Variants in STK39 observed in about 807,000 individuals in gnomAD.
The protein encoded by STK39 is serine/threonine kinase 39, also known as STE20/SPS1-related proline-alanine-rich protein kinase.
STK39 carries 20 observed loss-of-function variants against 77.8 expected under a neutral mutation model. The observed-to-expected ratio is 0.26, with a 90% CI of 0.18 to 0.37. STK39 has a LOEUF of 0.37. Ranked by LOEUF, STK39 falls within the 10% of genes least tolerant of loss-of-function variation. The probability of loss-of-function intolerance (pLI) is 1.00; values close to 1 mark genes in which losing one functional copy is unlikely to be tolerated. For missense variants in STK39, 479 were observed against 656.5 expected (o/e 0.73, Z 2.95); for synonymous variants, 246 against 234.1 (o/e 1.05, Z -0.47).
chr2:168,175,047 G>A (rs961995450), intron 2 of STK39, among the ~76,000 whole-genome samples: 4 of 152,028 alleles, frequency 2.6e-5, no homozygotes, highest in Non-Finnish European at 4.4e-5. Flanking sequence ...GCCATCTGGG[G>A]TTCTGCCAGG....
intron 17 of STK39, among the ~76,000 whole-genome samples, chr2:167,963,115 T>C (rs1692040349): frequency 6.6e-6 from 1 of 152,134 alleles, no homozygotes; most frequent in African/African-American, 2.4e-5. Flanking sequence ...AGCCAAAAGC[T>C]GACAAACTGG....
intron 14 of STK39, among the ~76,000 whole-genome samples, chr2:168,028,146 T>G (rs1239148335): frequency 6.6e-6 from 1 of 152,304 alleles, no homozygotes; most frequent in South Asian, 2.1e-4. Context: ...GACTCTTTTT[T>G]TTTCTCTATT....
At chr2:168,033,388 C>T (rs953903105) in intron 14 of STK39, among the ~76,000 whole-genome samples, 1 of 152,178 alleles carries the variant, frequency 6.6e-6, no homozygotes, top group Non-Finnish European at 1.5e-5. Flanking sequence ...AGACTTCCGG[C>T]TACGAAACTA....
chr2:168,133,713 C>A (rs9287894), intron 8 of STK39, among the ~76,000 whole-genome samples: 62,326 of 151,766 alleles, frequency 0.41, 13,044 homozygotes, highest in South Asian at 0.48. Flanking sequence ...CAAAAATTAG[C>A]CAGGCGTGAT....
intron 1 of STK39, among the ~76,000 whole-genome samples, chr2:168,234,771 A>T (rs1574580762): frequency 1.3e-5 from 2 of 152,306 alleles, no homozygotes; most frequent in African/African-American, 4.8e-5. Flanking sequence ...AGTAAATAAA[A>T]ATCATTTTAA....
chr2:168,234,861 T>C (rs562036926), intron 1 of STK39, among the ~76,000 whole-genome samples: 2 of 152,214 alleles, frequency 1.3e-5, no homozygotes, highest in Admixed American at 6.5e-5. Flanking sequence ...TTTTACTCTA[T>C]TGAGTCATAG....
chr2:168,107,898 T>C (rs1464128312), intron 10 of STK39, among the ~76,000 whole-genome samples: 1 of 152,230 alleles, frequency 6.6e-6, no homozygotes, highest in Non-Finnish European at 1.5e-5. Context: ...TACGGACACC[T>C]GCTTTCGCAT....
At chr2:168,230,844 C>T (rs1690436237) in intron 1 of STK39, among the ~76,000 whole-genome samples, 1 of 152,134 alleles carries the variant, frequency 6.6e-6, no homozygotes, top group Admixed American at 6.5e-5. Flanking sequence ...GGAAATGCCC[C>T]CAAGTTCTTA....
intron 16 of STK39, among the ~76,000 whole-genome samples, chr2:167,976,830 A>G (rs1189380480): frequency 2.6e-5 from 4 of 152,110 alleles, no homozygotes; most frequent in Non-Finnish European, 4.4e-5. Context: ...TCTGCATAAT[A>G]ACTCCTTCTC....
intron 16 of STK39, among the ~76,000 whole-genome samples, chr2:167,993,819 G>C (rs1220659749): frequency 6.6e-6 from 1 of 151,894 alleles, no homozygotes; most frequent in East Asian, 1.9e-4. Flanking sequence ...TTTTCTGGTA[G>C]GCATTGACTG....
At chr2:168,126,557 G>A (rs1687547417) in intron 10 of STK39, among the ~76,000 whole-genome samples, 1 of 152,196 alleles carries the variant, frequency 6.6e-6, no homozygotes, top group South Asian at 2.1e-4. Flanking sequence ...CCAGAGCGGG[G>A]CTTGCGGGGA....
At chr2:168,113,278 A>C (rs1687168469) in intron 10 of STK39, among the ~76,000 whole-genome samples, 1 of 152,226 alleles carries the variant, frequency 6.6e-6, no homozygotes, top group Non-Finnish European at 1.5e-5. Context: ...ATGCTAGTAA[A>C]GTCAGAGCTC....
intron 10 of STK39, among the ~76,000 whole-genome samples, chr2:168,110,574 C>T (rs1435474686): frequency 6.6e-6 from 1 of 152,096 alleles, no homozygotes; most frequent in African/African-American, 2.4e-5. Flanking sequence ...TATCTCATCT[C>T]GGAACTATTA....
At chr2:168,240,128 G>A (rs1213115089) in intron 1 of STK39, among the ~76,000 whole-genome samples, 1 of 152,186 alleles carries the variant, frequency 6.6e-6, no homozygotes, top group Non-Finnish European at 1.5e-5. Context: ...CCAAGCAGAG[G>A]GAAATCTTGC....
intron 2 of STK39, among the ~76,000 whole-genome samples, chr2:168,175,139 CTTAA>C (rs935573289): frequency 1.4e-4 from 21 of 152,034 alleles, no homozygotes; most frequent in Admixed American, 9.2e-4. Context: ...TCAGCAACAG[CTTAA>C]TTAATTATGG....
At chr2:168,018,422 G>A (rs755180866) in intron 14 of STK39, among the ~76,000 whole-genome samples, 5 of 151,312 alleles carry the variant, frequency 3.3e-5, no homozygotes, top group Admixed American at 1.3e-4. Context: ...ACTGGAACCC[G>A]GCAGGTATTG....
At chr2:168,239,395 G>A (rs1333331530) in intron 1 of STK39, among the ~76,000 whole-genome samples, 1 of 152,200 alleles carries the variant, frequency 6.6e-6, no homozygotes, top group Non-Finnish European at 1.5e-5. Flanking sequence ...CAGCCAGAAA[G>A]GCCACCTCTC....
intron 14 of STK39, among the ~76,000 whole-genome samples, chr2:168,050,080 T>C (rs773545577): frequency 6.6e-6 from 1 of 152,180 alleles, no homozygotes; most frequent in Non-Finnish European, 1.5e-5. Context: ...TCTCAAAACA[T>C]AGAAGAAAAT....
At chr2:167,960,568 A>C (rs1574346071) in intron 17 of STK39, among the ~76,000 whole-genome samples, 1 of 152,148 alleles carries the variant, frequency 6.6e-6, no homozygotes, top group South Asian at 2.1e-4. Flanking sequence ...CTAATGTGAC[A>C]GCGTATGACA....
Sources: allele counts gnomAD v4.1 joint callset (sites outside exome capture counted in the v4.1 genomes callset), GRCh38; gene constraint gnomAD v4.1.1; transcripts MANE v1.5; gene names NCBI Gene and HGNC (gene_info 2026-07-23, HGNC 2026-07-21).